Variants in BTN2A2 observed in about 807,000 individuals in gnomAD.
BTN2A2 encodes butyrophilin 2.
BTN2A2 carries 29 observed loss-of-function variants against 34.7 expected under a neutral mutation model. That is an observed-to-expected ratio of 0.84 (90% CI 0.62 to 1.14). BTN2A2 has a LOEUF of 1.14. Ranked by LOEUF, BTN2A2 falls within the 50% of genes most tolerant of loss-of-function variation. The pLI is 0.00. For synonymous variants in BTN2A2, 240 were observed against 253.1 expected, an observed-to-expected ratio of 0.95 and a Z score of 0.49; for missense variants, 612 against 651.5, an observed-to-expected ratio of 0.94 and a Z score of 0.66.
intron 5 of BTN2A2, 83 bp from the exon 6 acceptor site, chr6:26,390,604 G>T: frequency 6.4e-7 from 1 of 1,566,096 alleles, no homozygotes; most frequent in Non-Finnish European, 8.8e-7. Context: ...AGAAAGGATG[G>T]TTCCTACGTT....
At chr6:26,391,496 CCTTTCCT>C (rs1761574972) in intron 7 of BTN2A2, 1 of 153,654 alleles carries the variant, frequency 6.5e-6, no homozygotes, top group Non-Finnish European at 1.4e-5. Context: ...GGCCCATGGA[CCTTTCCT>C]CTTTGGCGAG....
Position 26,392,531 on chromosome 6 carries a change from C to T in BTN2A2, c.1136C>T (p.Ser379Leu). 6.2e-7 allele frequency: 1 copy of T among 1,614,224 alleles called. No individual in the cohort carries two copies. Among genetic ancestry groups the T allele is most frequent in the African/African-American group, 1.3e-5 (1 of 75,066 alleles). Residue 379 changes from serine (S) to leucine (L), a missense_variant, in exon 8 of 8, where the codon TCA (serine) becomes TTA (leucine). Coordinates refer to ENST00000356709, the MANE Select transcript of BTN2A2 (RefSeq NM_006995.5). ...GTCCTGGGATGGGAGAGCTTCGCCT[C>T]AGGGAAACATTACTGGGAGGTGGAG... ...PCVLGWESFA[S>L]GKHYWEVEVE...
chr6:26,387,891 T>C lies in BTN2A2; in HGVS notation c.443-122T>C, dbSNP rs190257407. On this transcript the variant is annotated intron_variant, in intron 3 of 7. Coordinates refer to ENST00000356709, the MANE Select transcript of BTN2A2 (RefSeq NM_006995.5). ...TTTCTCTTTGAGATCTCACAATTTA[T>C]TTTGCATATTGGTTTCCTGATGTTC... 25 of 996,166 alleles carry C rather than the reference T, an allele frequency of 2.5e-5. No homozygotes were observed. The East Asian group carries it at 4.8e-4, about 19-fold the overall frequency. The allele number at this position is 996,166 out of a possible 1,614,324, so 61.7% of individuals were successfully genotyped here. A position where few individuals can be genotyped will look rare whatever the true frequency, so the allele number is the denominator to read the frequency against.
chr6:26,390,749 G>T, intron 6 of BTN2A2, 42 bp downstream of exon 6: 1 of 1,614,248 alleles, frequency 6.2e-7, no homozygotes, highest in Non-Finnish European at 8.5e-7. Flanking sequence ...TACAATTTGT[G>T]TTCTGCTTAC....
chr6:26,392,653 C>T lies in BTN2A2; in HGVS notation c.1258C>T (p.Leu420=), dbSNP rs369578278. The T allele has an allele frequency of 3.7e-6, 6 of 1,614,192 alleles. No homozygotes were observed. Among genetic ancestry groups the T allele is most frequent in the African/African-American group, 1.3e-5 (1 of 75,038 alleles). ...GATTCCTCAGAATGGCTTCTGGACCCTGGAGATGTTTGGAAACCAATACCG... is the reference window on the plus strand; with the variant it reads ...GATTCCTCAGAATGGCTTCTGGACCTTGGAGATGTTTGGAAACCAATACCG... ...LLIPQNGFWT[L]EMFGNQYRAL... is the part of the protein sequence containing the mutation. Residue 420 remains leucine, a synonymous_variant, in exon 8 of 8, where the codon CTG becomes TTG. Transcript: ENST00000356709.
At chr6:26,391,545 A>G (rs1007587249) in intron 7 of BTN2A2, 2 of 153,720 alleles carry the variant, frequency 1.3e-5, no homozygotes, top group African/African-American at 2.4e-5. Flanking sequence ...TTTGGGACAC[A>G]ATCACAACTT....
At chr6:26,392,280 C>G in intron 7 of BTN2A2, 95 bp from the exon 8 acceptor site, 1 of 1,594,270 alleles carries the variant, frequency 6.3e-7, no homozygotes, top group Non-Finnish European at 8.5e-7. Context: ...ATGGGGAACC[C>G]CCTTCAGCTT....
At chr6:26,391,216 C>G in intron 7 of BTN2A2, 1 of 307,314 alleles carries the variant, frequency 3.3e-6, no homozygotes. Flanking sequence ...AGACTGTGCA[C>G]AGTTGAAGAC....
At position 26,392,400 on chromosome 6, in the gene BTN2A2, C is replaced by T. The variant is rs148323426; in HGVS notation, c.1005C>T (p.Thr335=). The T allele has an allele frequency of 2.1e-5, 34 of 1,614,030 alleles. No homozygotes were observed. Among genetic ancestry groups the T allele is most frequent in the Non-Finnish European group, 2.6e-5 (31 of 1,180,018 alleles). ...HAADVVLDPD[T]AHPELFLSED... ...CTGATGTGGTCCTGGATCCAGACACCGCTCATCCCGAGCTCTTCCTGTCAG... is the reference window on the plus strand; with the variant it reads ...CTGATGTGGTCCTGGATCCAGACACTGCTCATCCCGAGCTCTTCCTGTCAG... Residue 335 remains threonine (T), a synonymous_variant, in exon 8 of 8, where the codon ACC becomes ACT. Coordinates refer to ENST00000356709, the MANE Select transcript of BTN2A2 (RefSeq NM_006995.5).
At position 26,393,287 on chromosome 6, in the gene BTN2A2, C is replaced by T; in HGVS notation, c.*320C>T. On this transcript the variant is annotated 3_prime_UTR_variant, in exon 8 of 8. Coordinates refer to ENST00000356709, the MANE Select transcript of BTN2A2 (RefSeq NM_006995.5). ...ACCTACTGTTTAAAATCAGGATAAC[C>T]ACATTAAGCCCAATATGCCAGTTGG... 2 of 1,344,700 alleles carry T rather than the reference C, an allele frequency of 1.5e-6. No homozygotes were observed. The highest frequency in any genetic ancestry group is 1.9e-6 in the Non-Finnish European group (2 of 1,037,836). The allele number at this position is 1,344,700 out of a possible 1,614,324, so 83.3% of individuals were successfully genotyped here.
rs373288008 is a variant in BTN2A2 at position 26,390,718 on chromosome 6, C to A, written c.952+11C>A. The A allele has an allele frequency of 3.1e-6, 5 of 1,614,108 alleles. No homozygotes were observed. The South Asian group carries it at 5.5e-5, about 18-fold the overall frequency. Reference sequence around the variant, plus strand: ...TTCAAGAAGAATTGCGTAAGTTTAGCCTTTCCTGAACTACTCCGTGTACAA... The same window carrying A: ...TTCAAGAAGAATTGCGTAAGTTTAGACTTTCCTGAACTACTCCGTGTACAA... On this transcript the variant is annotated intron_variant, in intron 6 of 7. Transcript: ENST00000356709.
chr6:26,391,610 GA>G (rs1205377948), intron 7 of BTN2A2: 7 of 153,626 alleles, frequency 4.6e-5, no homozygotes, highest in Admixed American at 4.5e-4. Context: ...TAATGCAATA[GA>G]AAGGTAGACT....
Position 26,385,350 on chromosome 6 carries a change from C to A in BTN2A2, c.430C>A (p.Leu144Ile), listed in dbSNP as rs749486072. The A allele has an allele frequency of 1.7e-5, 27 of 1,612,572 alleles. No homozygotes were observed. In the South Asian group the frequency reaches 2.9e-4, roughly 17 times the overall value. The change falls in exon 3 of 8, where the codon CTC (leucine) becomes ATC (isoleucine). Residue 144 changes from leucine (L) to isoleucine (I), a missense_variant. By Grantham distance (5) the Leu-to-Ile change is conservative (BLOSUM62 2). Coordinates refer to ENST00000356709, the MANE Select transcript of BTN2A2 (RefSeq NM_006995.5). ...GTCCTACGATGAGGCCATCCTACGC[C>A]TCGTGGTGGCAGGTGCATCACTTCA... ...GRSYDEAILRLVVAGLGSKPL... is the reference protein window; with the variant it reads ...GRSYDEAILRIVVAGLGSKPL...
chr6:26,387,896 C>T, intron 3 of BTN2A2, 117 bp from the exon 4 acceptor site: 1 of 1,033,016 alleles, frequency 9.7e-7, no homozygotes, highest in Non-Finnish European at 1.4e-6. Context: ...ATTTATTTTG[C>T]ATATTGGTTT....
At position 26,393,388 on chromosome 6, in the gene BTN2A2, C is replaced by A; in HGVS notation, c.*421C>A. On this transcript the variant is annotated 3_prime_UTR_variant, in exon 8 of 8. Coordinates refer to ENST00000356709, the MANE Select transcript of BTN2A2 (RefSeq NM_006995.5). ...GAGAGGAGAGAGGAATCCACAGGACCACCAGAAGGGAGAGGGAACCAGATA... is the reference window on the plus strand; with the variant it reads ...GAGAGGAGAGAGGAATCCACAGGACAACCAGAAGGGAGAGGGAACCAGATA... 1 of 1,138,736 alleles carries A rather than the reference C, an allele frequency of 8.8e-7. No homozygotes were observed. The highest frequency in any genetic ancestry group is 1.1e-6 in the Non-Finnish European group (1 of 920,014). The allele number at this position is 1,138,736 out of a possible 1,614,324, so 70.5% of individuals were successfully genotyped here.
rs773685596 is a variant in BTN2A2 at position 26,392,397 on chromosome 6, C to A, written c.1002C>A (p.Asp334Glu). Residue 334 changes from aspartate to glutamate, a missense_variant, in exon 8 of 8, where the codon GAC (aspartate) becomes GAA (glutamate). Asp to Glu is a conservative substitution (Grantham distance 45). Coordinates refer to ENST00000356709, the MANE Select transcript of BTN2A2 (RefSeq NM_006995.5). Reference protein sequence around the residue: ...LHAADVVLDPDTAHPELFLSE... With the variant: ...LHAADVVLDPETAHPELFLSE... ...CAGCTGATGTGGTCCTGGATCCAGACACCGCTCATCCCGAGCTCTTCCTGT... is the reference window on the plus strand; with the variant it reads ...CAGCTGATGTGGTCCTGGATCCAGAAACCGCTCATCCCGAGCTCTTCCTGT... The A allele has an allele frequency of 1.2e-6, 2 of 1,614,048 alleles. No homozygotes were observed. The highest frequency in any genetic ancestry group is 1.3e-5 in the African/African-American group (1 of 74,928).
At chr6:26,391,654 T>G (rs1319919039) in intron 7 of BTN2A2, 1 of 154,468 alleles carries the variant, frequency 6.5e-6, no homozygotes, top group East Asian at 1.9e-4. Flanking sequence ...AAGGTAGAGG[T>G]TTGCAGAATG....
In BTN2A2 at chr6:26,390,209, C is replaced by T. The variant is rs1290603988; in HGVS notation, c.929C>T (p.Ala310Val). 1.2e-6 allele frequency: 2 copies of T among 1,613,108 alleles called. No homozygotes were observed. Among genetic ancestry groups the T allele is most frequent in the Non-Finnish European group, 1.7e-6 (2 of 1,179,576 alleles). The change falls in exon 5 of 8, where the codon GCA becomes GTA. Residue 310 changes from alanine to valine, a missense_variant and splice_region_variant. By Grantham distance (64) the Ala-to-Val change is moderately conservative. Transcript: ENST00000356709. ...KKVEQEEKEI[A>V]QQLQEELRWR... is the part of the protein sequence containing the mutation. ...GTTGAACAAGAGGAAAAAGAAATTG[C>T]ACGTAAGGAATTTGTAAAGAAAGTG...
Position 26,388,324 on chromosome 6 carries a change from A to G in BTN2A2, c.724+30A>G, listed in dbSNP as rs769148608. On this transcript the variant is annotated intron_variant, in intron 4 of 7. Transcript: ENST00000356709. ...GTTCTCTGCCCTCTGAGACCTATCA[A>G]GTGTATGCAGGATCCTCAGCACCCA... The G allele has an allele frequency of 5.6e-6, 9 of 1,608,354 alleles. No individual in the cohort carries two copies. In the Admixed American group the frequency reaches 1.5e-4, roughly 27 times the overall value.
Sources: gnomAD v4.1 joint callset for allele counts on GRCh38, gnomAD v4.1.1 for gene constraint, MANE v1.5 for transcripts, NCBI Gene and HGNC (gene_info 2026-07-23, HGNC 2026-07-21) for gene names.